Variants in PGCKA1 observed in about 807,000 individuals in gnomAD.
PGCKA1 encodes PDCD10 and GCKIII kinases associated 1.
the PGCKA1 span, among the ~76,000 whole-genome samples, chr4:37,575,440 A>T: frequency 6.6e-6 from 1 of 151,606 alleles, no homozygotes. Flanking sequence ...TTTTAATTGG[A>T]TTCTTAGATT....
At chr4:37,495,078 CAG>C in the PGCKA1 span, among the ~76,000 whole-genome samples, 3 of 151,320 alleles carry the variant, frequency 2.0e-5, no homozygotes, top group Admixed American at 2.0e-4. Flanking sequence ...AGGATATGAA[CAG>C]ACACTTCTCA....
the PGCKA1 span, among the ~76,000 whole-genome samples, chr4:37,565,910 G>T: frequency 6.6e-6 from 1 of 152,102 alleles, no homozygotes; most frequent in Non-Finnish European, 1.5e-5. Flanking sequence ...ATATAAAGCA[G>T]GCAGAAAAAC....
the PGCKA1 span, among the ~76,000 whole-genome samples, chr4:37,478,389 T>C: frequency 6.6e-6 from 1 of 152,206 alleles, no homozygotes; most frequent in Non-Finnish European, 1.5e-5. Context: ...CCCAAGGCTC[T>C]TAATGTAGGT....
At chr4:37,556,557 G>A in the PGCKA1 span, among the ~76,000 whole-genome samples, 1 of 152,000 alleles carries the variant, frequency 6.6e-6, no homozygotes, top group African/African-American at 2.4e-5. Context: ...GCATGACCAC[G>A]CCCAGCCCCT....
the PGCKA1 span, among the ~76,000 whole-genome samples, chr4:37,530,845 TGTG>T: frequency 1.4e-4 from 22 of 151,802 alleles, no homozygotes; most frequent in Admixed American, 1.4e-3. Flanking sequence ...CCGGGTGTGG[TGTG>T]GTGGTGGGCA....
At chr4:37,554,428 C>T in the PGCKA1 span, among the ~76,000 whole-genome samples, 1 of 152,162 alleles carries the variant, frequency 6.6e-6, no homozygotes, top group Admixed American at 6.5e-5. Context: ...GAGCTCGCTG[C>T]ACCCTCCGCC....
At chr4:37,485,301 G>A in the PGCKA1 span, among the ~76,000 whole-genome samples, 4 of 152,196 alleles carry the variant, frequency 2.6e-5, no homozygotes, top group Admixed American at 6.5e-5. Flanking sequence ...ACAGTGTTGA[G>A]AGGTGGGGCC....
the PGCKA1 span, chr4:37,588,700 C>T: frequency 1.7e-6 from 1 of 602,520 alleles, no homozygotes; most frequent in South Asian, 2.1e-5. Context: ...CCAGCACCCT[C>T]TCTGACCCAC....
chr4:37,481,055 G>C, the PGCKA1 span, among the ~76,000 whole-genome samples: 1 of 152,178 alleles, frequency 6.6e-6, no homozygotes, highest in Non-Finnish European at 1.5e-5. Context: ...ATCTAATCCA[G>C]CATTTCCCCA....
chr4:37,481,142 T>C, the PGCKA1 span, among the ~76,000 whole-genome samples: 1 of 152,226 alleles, frequency 6.6e-6, no homozygotes, highest in Non-Finnish European at 1.5e-5. Flanking sequence ...ATGAGACAAC[T>C]GAGTTAGCCT....
chr4:37,468,223 T>A, the PGCKA1 span, among the ~76,000 whole-genome samples: 1 of 152,214 alleles, frequency 6.6e-6, no homozygotes, highest in East Asian at 1.9e-4. Flanking sequence ...ACAGTGTGTC[T>A]CAGGGACTGT....
At chr4:37,585,006 GTTTT>G in the PGCKA1 span, among the ~76,000 whole-genome samples, 1 of 123,622 alleles carries the variant, frequency 8.1e-6, no homozygotes, top group Non-Finnish European at 1.7e-5. Context: ...TCTTTGACTT[GTTTT>G]TTTTTTTTTT....
chr4:37,549,980 T>C, the PGCKA1 span, among the ~76,000 whole-genome samples: 1 of 152,210 alleles, frequency 6.6e-6, no homozygotes, highest in East Asian at 1.9e-4. Context: ...TTCCTCAGAC[T>C]GAGGGCTGTT....
At chr4:37,571,895 G>A in the PGCKA1 span, among the ~76,000 whole-genome samples, 1 of 151,890 alleles carries the variant, frequency 6.6e-6, no homozygotes, top group African/African-American at 2.4e-5. Context: ...GCCTCCCAAA[G>A]TGCTGGGATT....
At chr4:37,546,585 G>T in the PGCKA1 span, among the ~76,000 whole-genome samples, 2 of 152,234 alleles carry the variant, frequency 1.3e-5, no homozygotes, top group African/African-American at 4.8e-5. Context: ...TAAGACAGTA[G>T]CTTGCTGATG....
At chr4:37,552,392 G>T in the PGCKA1 span, among the ~76,000 whole-genome samples, 1 of 152,168 alleles carries the variant, frequency 6.6e-6, no homozygotes, top group African/African-American at 2.4e-5. Context: ...GCTTGCCGAT[G>T]CTCCCAGCTG....
chr4:37,548,958 G>T, the PGCKA1 span, among the ~76,000 whole-genome samples: 1 of 152,208 alleles, frequency 6.6e-6, no homozygotes, highest in East Asian at 1.9e-4. Flanking sequence ...TGGTCCTCCA[G>T]TCGACCAGGC....
the PGCKA1 span, among the ~76,000 whole-genome samples, chr4:37,473,435 G>T: frequency 6.6e-6 from 1 of 152,030 alleles, no homozygotes; most frequent in Non-Finnish European, 1.5e-5. Flanking sequence ...AGATAATTTT[G>T]CTGTATTTAA....
chr4:37,528,921 G>A, the PGCKA1 span, among the ~76,000 whole-genome samples: 6 of 152,014 alleles, frequency 3.9e-5, no homozygotes, highest in Middle Eastern at 3.4e-3. Flanking sequence ...GCTTTGTTCC[G>A]GCTTAAGCTT....
Sources: allele counts gnomAD v4.1 joint callset (sites outside exome capture counted in the v4.1 genomes callset), GRCh38; gene constraint gnomAD v4.1.1; transcripts MANE v1.5; gene names NCBI Gene and HGNC (gene_info 2026-07-23, HGNC 2026-07-21).